Variants in MYO9B observed in about 807,000 individuals in gnomAD.
MYO9B encodes the protein unconventional myosin-IXb.
In MYO9B, 71 loss-of-function variants were observed where a neutral mutation model predicts 229.5. The ratio of observed to expected loss-of-function variants is 0.31; its 90% CI spans 0.26 to 0.38. The LOEUF (loss-of-function observed/expected upper bound fraction) is 0.38. Among genes scored for constraint, MYO9B ranks in the 10% least tolerant of loss-of-function variants. The probability of loss-of-function intolerance (pLI) is 1.00; values close to 1 mark genes in which losing one functional copy is unlikely to be tolerated. For synonymous variants in MYO9B, 1,185 were observed against 1,235.8 expected (o/e 0.96, Z 0.86); for missense variants, 2,255 against 2,920.5 (o/e 0.77, Z 5.25).
chr19:17,120,305 G>T (rs1005206413), intron 2 of MYO9B, among the ~76,000 whole-genome samples: 1 of 152,168 alleles, frequency 6.6e-6, no homozygotes, highest in Non-Finnish European at 1.5e-5. Context: ...CACCGCTACT[G>T]CCCCTTTTCA....
chr19:17,102,034 A>G lies in MYO9B; in HGVS notation c.317A>G (p.Tyr106Cys). 2 of 1,612,520 alleles carry G rather than the reference A, an allele frequency of 1.2e-6. No homozygotes were observed. Among genetic ancestry groups the G allele is most frequent in the Non-Finnish European group, 1.7e-6 (2 of 1,179,892 alleles). Residue 106 changes from tyrosine (Y) to cysteine (C), a missense_variant, in exon 2 of 40, where the codon TAC becomes TGC. By Grantham distance (194) the Tyr-to-Cys change is radical. This residue lies in a region of MYO9B where 386 missense variants were observed against 515.2 expected (regional missense o/e 0.75). Coordinates refer to ENST00000682292, the MANE Select transcript of MYO9B (RefSeq NM_004145.4). ...QDEHPQEDGYYFLLQERNADG... is the reference protein window; with the variant it reads ...QDEHPQEDGYCFLLQERNADG... ...GAGCACCCTCAGGAGGATGGCTACT[A>G]CTTCCTGCTGCAGGAGCGCAACGCA...
rs1316009108 is a variant in MYO9B, at chr19:17,124,535, GC to G, written c.841-20860del. ...GCCTGTAATCCCAGCACTTTGGGAG[GC>G]CAAGGCGGGCAGATCACCTGAGGTC... is the stretch of plus-strand genomic sequence containing the variant. On this transcript the variant is annotated intron_variant, in intron 2 of 39. Coordinates refer to ENST00000682292, the MANE Select transcript of MYO9B (RefSeq NM_004145.4). Among the ~76,000 whole-genome samples, 3 of 151,874 alleles carry G rather than the reference GC, an allele frequency of 2.0e-5. No homozygotes were observed. In the East Asian group the frequency reaches 5.8e-4, roughly 29 times the overall value.
At chr19:17,128,883 A>G (rs7255902) in intron 2 of MYO9B, among the ~76,000 whole-genome samples, 39,011 of 152,132 alleles carry the variant, frequency 0.26, 5,248 homozygotes, top group East Asian at 0.41. Flanking sequence ...CAAGGGGACA[A>G]TCTCCCTCTT....
At chr19:17,147,162 G>A (rs1319842287) in intron 3 of MYO9B, among the ~76,000 whole-genome samples, 1 of 152,190 alleles carries the variant, frequency 6.6e-6, no homozygotes, top group Non-Finnish European at 1.5e-5. Context: ...GAAACACCTG[G>A]AACAGCCACT....
chr19:17,102,545 C>T lies in MYO9B; in HGVS notation c.828C>T (p.Gly276=). ...SGVERTILGA[G]PVLEAFGNAK... ...TCGAGAGGACCATCCTGGGTGCTGG[C>T]CCTGTGCTGGAGGTGAGCGGGGAAG... Residue 276 remains glycine (G), a synonymous_variant, in exon 2 of 40, where the codon GGC becomes GGT. Transcript: ENST00000682292. 1.3e-6 allele frequency: 2 copies of T among 1,594,802 alleles called. No individual in the cohort carries two copies. Among genetic ancestry groups the T allele is most frequent in the South Asian group, 1.1e-5 (1 of 89,556 alleles).
chr19:17,182,458 C>T (rs1433093376), intron 15 of MYO9B, among the ~76,000 whole-genome samples: 2 of 151,932 alleles, frequency 1.3e-5, no homozygotes, highest in African/African-American at 4.8e-5. Flanking sequence ...GGCTGGAGTG[C>T]AGTGGCTCAA....
At chr19:17,167,409 A>G (rs981190961) in intron 10 of MYO9B, among the ~76,000 whole-genome samples, 7 of 151,686 alleles carry the variant, frequency 4.6e-5, no homozygotes, top group Non-Finnish European at 5.9e-5. Flanking sequence ...TTTTTATGTC[A>G]GTTACATGTT....
intron 14 of MYO9B, among the ~76,000 whole-genome samples, chr19:17,177,285 GGT>G (rs1491564914): frequency 2.2e-4 from 31 of 141,346 alleles, no homozygotes; most frequent in Non-Finnish European, 3.3e-4. Context: ...TTTGTTTGTT[GGT>G]TTTTTTTTTT....
chr19:17,164,489 T>C (rs1272618324), intron 10 of MYO9B, among the ~76,000 whole-genome samples: 1 of 151,972 alleles, frequency 6.6e-6, no homozygotes, highest in Non-Finnish European at 1.5e-5. Flanking sequence ...CAAGCGATTC[T>C]CTTGCCTCAG....
intron 1 of MYO9B, among the ~76,000 whole-genome samples, chr19:17,093,187 G>T (rs1260894015): frequency 6.6e-6 from 1 of 152,158 alleles, no homozygotes; most frequent in Non-Finnish European, 1.5e-5. Flanking sequence ...CAAAAAATTA[G>T]CTGGGCGTGG....
chr19:17,165,023 C>G (rs999186607), intron 10 of MYO9B, among the ~76,000 whole-genome samples: 4 of 152,064 alleles, frequency 2.6e-5, no homozygotes, highest in Non-Finnish European at 4.4e-5. Context: ...CACCACCACA[C>G]CCAGCTAGTT....
intron 10 of MYO9B, among the ~76,000 whole-genome samples, chr19:17,165,421 A>G (rs1316669525): frequency 1.3e-5 from 2 of 151,804 alleles, no homozygotes; most frequent in Non-Finnish European, 2.9e-5. Flanking sequence ...ATTATTAGAA[A>G]ATTTGAGGCT....
Position 17,212,586 on chromosome 19 carries a change from G to A in MYO9B, c.*276G>A. 1 of 431,752 alleles carries A rather than the reference G, an allele frequency of 2.3e-6. No individual in the cohort carries two copies. 26.7% of individuals were successfully genotyped at this position (431,752 alleles called of 1,614,324 possible). On this transcript the variant is annotated 3_prime_UTR_variant, in exon 40 of 40. Transcript: ENST00000682292. This position sits in a 1 kb window ranked among gnomAD's most constrained non-coding sequence, Gnocchi z 5.4. ...CTCACATCTCCCCACTCCCCTTTTT[G>A]TACGTTTAACTGTTTCTTTGTACGT...
rs1204827199 is a variant in MYO9B at position 17,175,753 on chromosome 19, C to T, written c.2219+12C>T. ...GAAAAACTTTACCGGTGAGCAAGAC[C>T]CTGATTTGCCCAAACTGAAATCATT... On this transcript the variant is annotated intron_variant, in intron 14 of 39. Coordinates refer to ENST00000682292, the MANE Select transcript of MYO9B (RefSeq NM_004145.4). 1 of 1,565,178 alleles carries T rather than the reference C, an allele frequency of 6.4e-7. No individual in the cohort carries two copies. The highest frequency in any genetic ancestry group is 8.7e-7 in the Non-Finnish European group (1 of 1,153,512).
Position 17,101,966 on chromosome 19 carries a change from G to A in MYO9B, c.249G>A (p.Ser83=), listed in dbSNP as rs747075789. 12 of 1,613,152 alleles carry A rather than the reference G, an allele frequency of 7.4e-6. No individual in the cohort carries two copies. Among genetic ancestry groups the A allele is most frequent in the African/African-American group, 2.7e-5 (2 of 74,954 alleles). Residue 83 remains serine, a synonymous_variant, in exon 2 of 40, where the codon TCG becomes TCA. Transcript: ENST00000682292. The surrounding 1 kb of genome is among the most constrained non-coding windows in gnomAD (Gnocchi z 4.7). ...GEEWVLDAND[S]PVHRVLLWPR... ...AATGGGTGCTGGACGCCAACGACTC[G>A]CCTGTGCACCGGGTGCTGCTATGGC... is the stretch of plus-strand genomic sequence containing the variant.
intron 2 of MYO9B, among the ~76,000 whole-genome samples, chr19:17,139,996 G>A (rs978909584): frequency 2.7e-5 from 4 of 150,754 alleles, no homozygotes; most frequent in Non-Finnish European, 4.4e-5. Flanking sequence ...AGCTGAGATC[G>A]CGCCATTGCA....
chr19:17,196,432 A>G (rs2073044351), intron 22 of MYO9B, among the ~76,000 whole-genome samples: 1 of 152,144 alleles, frequency 6.6e-6, no homozygotes. Context: ...GCGATGGCTC[A>G]TGCCTGTAAT....
At chr19:17,076,911 C>T (rs557678872) in intron 1 of MYO9B, among the ~76,000 whole-genome samples, 4 of 152,278 alleles carry the variant, frequency 2.6e-5, no homozygotes, top group African/African-American at 9.6e-5. Flanking sequence ...TTGCTCTGAG[C>T]TCAGCCCTGG....
chr19:17,197,445 T>TAGATAGATAAAC (rs1156939570), intron 22 of MYO9B, among the ~76,000 whole-genome samples: 2 of 151,062 alleles, frequency 1.3e-5, no homozygotes, highest in African/African-American at 4.9e-5. Flanking sequence ...GATAGATAGA[T>TAGATAGATAAAC]AGATACATAG....
Sources: gnomAD v4.1 joint callset for allele counts (sites outside exome capture counted in the v4.1 genomes callset) on GRCh38, gnomAD v4.1.1 for gene constraint, gnomAD v4.1.1 regional missense constraint, Gnocchi (gnomAD v3.1) non-coding constraint, MANE v1.5 for transcripts, NCBI Gene and HGNC (gene_info 2026-07-23, HGNC 2026-07-21) for gene names.